ZNF804B: variants seen among roughly 807,000 people sequenced by gnomAD.
ZNF804B encodes the protein zinc finger protein 804B.
A neutral mutation model predicts 101.4 loss-of-function variants in ZNF804B; 80 were observed. The observed-to-expected ratio is 0.79, with a 90% CI of 0.66 to 0.95. The LOEUF (loss-of-function observed/expected upper bound fraction) is 0.95. ZNF804B is among the 40% of genes least tolerant of loss of function. The pLI, the probability that ZNF804B is intolerant of heterozygous loss-of-function variation, is 0.00. For synonymous variants in ZNF804B, 622 were observed against 558.8 expected (o/e 1.11, Z -1.59); for missense variants, 1,673 against 1,561.9 (o/e 1.07, Z -1.20).
intron 1 of ZNF804B, among the ~76,000 whole-genome samples, chr7:89,091,114 G>C (rs1789879600): frequency 6.6e-6 from 1 of 151,762 alleles, no homozygotes; most frequent in Admixed American, 6.6e-5. Context: ...TTTAATGATA[G>C]CTTTTGTCAT....
At chr7:88,819,289 AT>A (rs5885638) in intron 1 of ZNF804B, among the ~76,000 whole-genome samples, 69,315 of 149,954 alleles carry the variant, frequency 0.46, 17,012 homozygotes, top group East Asian at 0.81. Context: ...ACACCTGGCT[AT>A]TTTTTTTTTC....
At chr7:89,059,555 C>A (rs1789345107) in intron 1 of ZNF804B, among the ~76,000 whole-genome samples, 1 of 152,090 alleles carries the variant, frequency 6.6e-6, no homozygotes, top group Non-Finnish European at 1.5e-5. Flanking sequence ...AGGGATTCAC[C>A]ATGATCCAGT....
At chr7:89,190,079 G>A (rs1465915675) in intron 1 of ZNF804B, among the ~76,000 whole-genome samples, 1 of 152,078 alleles carries the variant, frequency 6.6e-6, no homozygotes, top group Non-Finnish European at 1.5e-5. Context: ...AAACGACTTT[G>A]AGGGGTTCAA....
chr7:88,770,175 AG>A (rs1352523400), intron 1 of ZNF804B, among the ~76,000 whole-genome samples: 2 of 152,158 alleles, frequency 1.3e-5, no homozygotes, highest in East Asian at 3.9e-4. Flanking sequence ...ATATCCCCAA[AG>A]ATGTTTATAT....
At chr7:88,931,514 C>T (rs542075431) in intron 1 of ZNF804B, among the ~76,000 whole-genome samples, 135 of 152,024 alleles carry the variant, frequency 8.9e-4, no homozygotes, top group Middle Eastern at 3.4e-3. Context: ...TTAAATACTA[C>T]ATTAGTTGTC....
chr7:88,941,982 A>G (rs1280683986), intron 1 of ZNF804B, among the ~76,000 whole-genome samples: 2 of 151,960 alleles, frequency 1.3e-5, no homozygotes, highest in Non-Finnish European at 2.9e-5. Flanking sequence ...TATTTTATAG[A>G]CAATATCTAA....
At chr7:89,306,776 A>T (rs1260688166) in intron 2 of ZNF804B, among the ~76,000 whole-genome samples, 2 of 152,012 alleles carry the variant, frequency 1.3e-5, no homozygotes, top group African/African-American at 4.8e-5. Flanking sequence ...TCATTCCCCA[A>T]AAGAAGCAAT....
intron 1 of ZNF804B, among the ~76,000 whole-genome samples, chr7:88,767,255 A>G (rs926626181): frequency 6.6e-6 from 1 of 152,112 alleles, no homozygotes. Context: ...TTTCATCTTT[A>G]GTTCAGAATT....
chr7:89,198,605 G>A (rs2115641484), intron 1 of ZNF804B, among the ~76,000 whole-genome samples: 1 of 152,010 alleles, frequency 6.6e-6, no homozygotes, highest in African/African-American at 2.4e-5. Flanking sequence ...GTTAATACAT[G>A]TAATTACAGA....
At chr7:89,199,736 T>C (rs1788603092) in intron 1 of ZNF804B, among the ~76,000 whole-genome samples, 1 of 151,818 alleles carries the variant, frequency 6.6e-6, no homozygotes, top group African/African-American at 2.4e-5. Flanking sequence ...TCCTAGATAT[T>C]ATTCCTACTG....
chr7:88,954,560 C>CCA (rs1554349343), intron 1 of ZNF804B, among the ~76,000 whole-genome samples: 9 of 151,090 alleles, frequency 6.0e-5, no homozygotes, highest in African/African-American at 9.7e-5. Flanking sequence ...AACATGCCCC[C>CCA]CCCCCACCAC....
At chr7:88,761,483 A>C (rs577485009) in intron 1 of ZNF804B, among the ~76,000 whole-genome samples, 17 of 152,326 alleles carry the variant, frequency 1.1e-4, no homozygotes, top group African/African-American at 3.6e-4. Flanking sequence ...AAAGATTCTC[A>C]GAATTGGAGT....
chr7:89,323,189 A>C (rs1180253402), intron 2 of ZNF804B, among the ~76,000 whole-genome samples: 1 of 152,232 alleles, frequency 6.6e-6, no homozygotes, highest in African/African-American at 2.4e-5. Flanking sequence ...ATCTGTCTGC[A>C]GGCAACTTGA....
intron 1 of ZNF804B, among the ~76,000 whole-genome samples, chr7:88,875,579 C>T (rs1014206897): frequency 1.1e-4 from 16 of 151,888 alleles, no homozygotes; most frequent in African/African-American, 2.2e-4. Context: ...ATAAATTCCT[C>T]GACACATACA....
chr7:89,271,274 G>T (rs1401632111), intron 2 of ZNF804B, among the ~76,000 whole-genome samples: 1 of 152,170 alleles, frequency 6.6e-6, no homozygotes, highest in Non-Finnish European at 1.5e-5. Context: ...TTTTTAGCAT[G>T]AAGGGCTGTT....
At position 89,240,751 on chromosome 7, in the gene ZNF804B, A is replaced by G. The variant is rs145174156; in HGVS notation, c.249+22456A>G. Among the ~76,000 whole-genome samples the G allele has an allele frequency of 1.8e-4, 28 of 152,074 alleles. No individual in the cohort carries two copies. In the East Asian group the frequency reaches 4.6e-3, roughly 25 times the overall value. ...AAATACTAGACCATAGTTTCAACCC[A>G]TGGGAGCAGAGCATAATTTCTTGCT... On this transcript the variant is annotated intron_variant, in intron 2 of 3. Transcript: ENST00000333190.
At chr7:89,249,363 G>T (rs1056660660) in intron 2 of ZNF804B, among the ~76,000 whole-genome samples, 1 of 152,036 alleles carries the variant, frequency 6.6e-6, no homozygotes, top group African/African-American at 2.4e-5. Context: ...ATACACCAAG[G>T]TTGACCACAT....
At chr7:89,296,042 A>G (rs1790377216) in intron 2 of ZNF804B, among the ~76,000 whole-genome samples, 1 of 152,102 alleles carries the variant, frequency 6.6e-6, no homozygotes, top group Non-Finnish European at 1.5e-5. Context: ...TACACATTAG[A>G]TACAATGTGC....
intron 1 of ZNF804B, among the ~76,000 whole-genome samples, chr7:88,930,818 A>T (rs1483663302): frequency 6.6e-6 from 1 of 151,944 alleles, no homozygotes; most frequent in African/African-American, 2.4e-5. Flanking sequence ...ATGCAGAATC[A>T]TGCAGGCGTT....
Sources: gnomAD v4.1 joint callset for allele counts (sites outside exome capture counted in the v4.1 genomes callset) on GRCh38, gnomAD v4.1.1 for gene constraint, MANE v1.5 for transcripts, NCBI Gene and HGNC (gene_info 2026-07-23, HGNC 2026-07-21) for gene names.